Variants in JAM3 observed in about 807,000 individuals in gnomAD.
JAM3 encodes the protein junctional adhesion molecule 3.
In JAM3, 31 loss-of-function variants were observed where a neutral mutation model predicts 39.4. The ratio of observed to expected loss-of-function variants is 0.79; its 90% CI spans 0.59 to 1.06. JAM3 has a LOEUF of 1.06. JAM3 is among the 50% of genes least tolerant of loss of function. The probability of loss-of-function intolerance (pLI) is 0.00; values close to 1 mark genes in which losing one functional copy is unlikely to be tolerated. For missense variants in JAM3, 455 were observed against 391.4 expected, an observed-to-expected ratio of 1.16 and a Z score of -1.37; for synonymous variants, 182 against 148.7, an observed-to-expected ratio of 1.22 and a Z score of -1.63.
rs772586545 is a variant in JAM3 at position 134,148,571 on chromosome 11, T to C, written c.737T>C (p.Ile246Thr). ...GATGACCTGAACATTGGCGGAATTA[T>C]TGGGGGGGTTCTGGTTGTCCTTGCT... is the stretch of plus-strand genomic sequence containing the variant. ...EVYDLNIGGI[I>T]GGVLVVLAVL... The change falls in exon 7 of 9, where the codon ATT (isoleucine) becomes ACT (threonine). Residue 246 changes from isoleucine (I) to threonine (T), a missense_variant. Physicochemically the swap from Ile to Thr is moderately conservative, Grantham distance 89 (BLOSUM62 -1). Coordinates refer to ENST00000299106, the MANE Select transcript of JAM3 (RefSeq NM_032801.5). 1.9e-5 allele frequency: 30 copies of C among 1,614,038 alleles called. No individual in the cohort carries two copies. The highest frequency in any genetic ancestry group is 4.4e-5 in the South Asian group (4 of 91,080).
intron 1 of JAM3, among the ~76,000 whole-genome samples, chr11:134,124,994 C>CCG (rs1942617269): frequency 6.9e-6 from 1 of 144,606 alleles, no homozygotes. Flanking sequence ...GGCGACGACA[C>CCG]CCCCCAGCCT....
At chr11:134,082,598 T>C (rs1389243579) in intron 1 of JAM3, among the ~76,000 whole-genome samples, 1 of 152,198 alleles carries the variant, frequency 6.6e-6, no homozygotes, top group Non-Finnish European at 1.5e-5. Context: ...TCTTCTCTTG[T>C]CTGCCGCCGT....
intron 1 of JAM3, among the ~76,000 whole-genome samples, chr11:134,102,794 C>T (rs534839824): frequency 2.0e-4 from 30 of 151,934 alleles, no homozygotes; most frequent in East Asian, 5.8e-4. Context: ...TGAAATGAAG[C>T]GAGAAGAGAA....
chr11:134,123,378 C>G (rs1178616432), intron 1 of JAM3, among the ~76,000 whole-genome samples: 1 of 151,592 alleles, frequency 6.6e-6, no homozygotes, highest in East Asian at 1.9e-4. Context: ...TACACCACCA[C>G]CCCCCCCCCC....
intron 3 of JAM3, 23 bp from the exon 4 acceptor site, chr11:134,144,217 TA>T: frequency 6.2e-7 from 1 of 1,614,048 alleles, no homozygotes. Context: ...AGAAGTTTTT[TA>T]GTGCCTCGTG....
intron 1 of JAM3, among the ~76,000 whole-genome samples, chr11:134,089,187 T>A (rs1460036213): frequency 1.3e-5 from 2 of 152,226 alleles, no homozygotes; most frequent in Non-Finnish European, 2.9e-5. Context: ...TTTCTTTATA[T>A]ACTTTCCAGT....
Position 134,130,011 on chromosome 11 carries a change from AAGTC to A in JAM3, c.77-9836_77-9833del, listed in dbSNP as rs368986155. 7.5e-3 allele frequency among the ~76,000 whole-genome samples: 1,141 copies of A among 152,256 alleles called. 7 individuals are homozygous for A. Among genetic ancestry groups the A allele is most frequent in the African/African-American group, 0.025 (1,040 of 41,538 alleles). Reference sequence around the variant, plus strand: ...AGTGAGATTCTGTCTCCAAAAAAAAAAGTCAGTAAGAGTATTAAAAACGGCCCCA... The same window carrying A: ...AGTGAGATTCTGTCTCCAAAAAAAAAAGTAAGAGTATTAAAAACGGCCCCA... On this transcript the variant is annotated intron_variant, in intron 1 of 8. Coordinates refer to ENST00000299106, the MANE Select transcript of JAM3 (RefSeq NM_032801.5).
intron 6 of JAM3, among the ~76,000 whole-genome samples, chr11:134,146,753 C>T (rs534742804): frequency 6.6e-5 from 10 of 152,160 alleles, no homozygotes; most frequent in East Asian, 5.8e-4. Flanking sequence ...TTTGTAGATA[C>T]GGGGTCTCAC....
At position 134,132,738 on chromosome 11, in the gene JAM3, T is replaced by A. The variant is rs112392432; in HGVS notation, c.77-7113T>A. On this transcript the variant is annotated intron_variant, in intron 1 of 8. Coordinates refer to ENST00000299106, the MANE Select transcript of JAM3 (RefSeq NM_032801.5). Reference sequence around the variant, plus strand: ...AGTATGGGGGGATTTTTCTCCCATCTTCACTGAGAGAACCAGGGAGGACCC... The same window carrying A: ...AGTATGGGGGGATTTTTCTCCCATCATCACTGAGAGAACCAGGGAGGACCC... Among the ~76,000 whole-genome samples the A allele has an allele frequency of 3.7e-3, 563 of 152,246 alleles. 4 individuals carry two copies. Among genetic ancestry groups the A allele is most frequent in the African/African-American group, 0.013 (528 of 41,552 alleles).
chr11:134,147,208 C>G (rs1943089505), intron 6 of JAM3, among the ~76,000 whole-genome samples: 1 of 151,956 alleles, frequency 6.6e-6, no homozygotes, highest in Admixed American at 6.5e-5. Flanking sequence ...AATCCTAGCA[C>G]TCTGGGAGGC....
At chr11:134,113,199 G>T (rs71479593) in intron 1 of JAM3, among the ~76,000 whole-genome samples, 11,169 of 144,904 alleles carry the variant, frequency 0.077, 529 homozygotes, top group Admixed American at 0.11. Context: ...GGACTGTCTG[G>T]TTTTTTTTTT....
In JAM3 at chr11:134,128,775, TAATA is replaced by T. The variant is rs547251414; in HGVS notation, c.77-11072_77-11069del. ...TGTGAGTCAATTAAACCTTTTTTCT[TAATA>T]AATCACCCAGTCTCTGGTAGTTCTT... On this transcript the variant is annotated intron_variant, in intron 1 of 8. Coordinates refer to ENST00000299106, the MANE Select transcript of JAM3 (RefSeq NM_032801.5). Among the ~76,000 whole-genome samples the T allele has an allele frequency of 4.6e-5, 7 of 152,342 alleles. No individual in the cohort carries two copies. The East Asian group carries it at 9.6e-4, about 21-fold the overall frequency.
intron 1 of JAM3, among the ~76,000 whole-genome samples, chr11:134,104,840 C>A (rs1212203150): frequency 6.6e-6 from 1 of 151,742 alleles, no homozygotes; most frequent in South Asian, 2.1e-4. Context: ...CAATAACAGG[C>A]TCTGAAATTG....
chr11:134,142,019 T>G (rs971233705), intron 3 of JAM3, among the ~76,000 whole-genome samples: 2 of 151,942 alleles, frequency 1.3e-5, no homozygotes, highest in Admixed American at 6.6e-5. Flanking sequence ...CTCCTTTGCC[T>G]CTTATTTTTG....
chr11:134,132,926 C>G (rs573865656), intron 1 of JAM3, among the ~76,000 whole-genome samples: 24 of 152,182 alleles, frequency 1.6e-4, no homozygotes, highest in Non-Finnish European at 3.1e-4. Flanking sequence ...GGCTTCTTCT[C>G]CTGAGTTTCT....
intron 1 of JAM3, among the ~76,000 whole-genome samples, chr11:134,126,714 C>T (rs1478162665): frequency 6.6e-6 from 1 of 152,160 alleles, no homozygotes; most frequent in African/African-American, 2.4e-5. Context: ...CTGGTCAGGT[C>T]TTCCTGTGTA....
At chr11:134,133,999 AAAGTAGATAACAT>A (rs373231675) in intron 1 of JAM3, among the ~76,000 whole-genome samples, 3,079 of 152,220 alleles carry the variant, frequency 0.02, 113 homozygotes, top group African/African-American at 0.069. Context: ...TCTAATGGGA[AAAGTAGATAACAT>A]AAGTAGATAA....
chr11:134,137,124 AAAAG>A (rs1456618710), intron 1 of JAM3, among the ~76,000 whole-genome samples: 11 of 149,468 alleles, frequency 7.4e-5, no homozygotes, highest in African/African-American at 1.3e-4. Context: ...AAAAAAAAAA[AAAAG>A]AAGAAGAAGT....
chr11:134,142,754 C>T (rs1164349436), intron 3 of JAM3, among the ~76,000 whole-genome samples: 5 of 152,138 alleles, frequency 3.3e-5, no homozygotes, highest in South Asian at 4.2e-4. Flanking sequence ...AGAGAAAGCC[C>T]GTACCCAGCA....
Sources: allele counts gnomAD v4.1 joint callset (sites outside exome capture counted in the v4.1 genomes callset), GRCh38; gene constraint gnomAD v4.1.1; transcripts MANE v1.5; gene names NCBI Gene and HGNC (gene_info 2026-07-23, HGNC 2026-07-21).